The following PMS2 variants were observed in gnomAD, a reference collection of about 807,000 sequenced individuals.
The protein encoded by PMS2 is mismatch repair endonuclease PMS2.
In PMS2, 69 loss-of-function variants were observed where a neutral mutation model predicts 90.0. The ratio of observed to expected loss-of-function variants is 0.77; its 90% CI spans 0.63 to 0.94. PMS2 has a LOEUF of 0.94. PMS2 is among the 40% of genes least tolerant of loss of function. The pLI is 0.00. For synonymous variants in PMS2, 332 were observed against 375.1 expected, an observed-to-expected ratio of 0.89 and a Z score of 1.33; for missense variants, 966 against 1,040.2, an observed-to-expected ratio of 0.93 and a Z score of 0.98.
At chr7:6,001,069 CT>C (rs34336241) in intron 5 of PMS2, among the ~76,000 whole-genome samples, 8 of 152,116 alleles carry the variant, frequency 5.3e-5, no homozygotes, top group Non-Finnish European at 8.8e-5. Flanking sequence ...GTTTAAGTAA[CT>C]TTTTAGATTA....
Position 5,992,014 on chromosome 7 carries a change from T to G in PMS2, c.947A>C (p.His316Pro). 6.2e-7 allele frequency: 1 copy of G among 1,602,950 alleles called. No homozygotes were observed. Among genetic ancestry groups the G allele is most frequent in the African/African-American group, 1.3e-5 (1 of 74,810 alleles). ...GTTAAGAACAACAAATGGATACTGG[T>G]GTCGATTATACATGTGGTAGACCTC... ...VNEVYHMYNR[H>P]QYPFVVLNIS... Residue 316 changes from histidine (H) to proline (P), a missense_variant, in exon 9 of 15, where the codon CAC becomes CCC. Coordinates refer to ENST00000265849, the MANE Select transcript of PMS2 (RefSeq NM_000535.7).
At chr7:5,990,629 G>C (rs1194990765) in intron 9 of PMS2, among the ~76,000 whole-genome samples, 1 of 152,058 alleles carries the variant, frequency 6.6e-6, no homozygotes, top group Non-Finnish European at 1.5e-5. Flanking sequence ...GTGTAAATTG[G>C]TACATCTAGA....
At chr7:5,993,737 T>C (rs1784040197) in intron 8 of PMS2, among the ~76,000 whole-genome samples, 1 of 151,380 alleles carries the variant, frequency 6.6e-6, no homozygotes, top group Non-Finnish European at 1.5e-5. Flanking sequence ...GATGCGTGCC[T>C]GTAGTCCTAG....
intron 5 of PMS2, among the ~76,000 whole-genome samples, chr7:6,000,548 A>G (rs1316411237): frequency 2.0e-5 from 3 of 152,188 alleles, no homozygotes; most frequent in Admixed American, 6.6e-5. Flanking sequence ...GAAAAGATAT[A>G]CAAACTGTAA....
chr7:5,977,644 T>A lies in PMS2; in HGVS notation c.2389A>T (p.Met797Leu), dbSNP rs1433888137. Residue 797 changes from methionine to leucine, a missense_variant, in exon 14 of 15, where the codon ATG (methionine) becomes TTG (leucine). Met to Leu is a conservative substitution (Grantham distance 15, BLOSUM62 2). Around this residue, in one of 2 missense-constraint regions of PMS2, gnomAD observed 95 missense variants for 237.8 expected, o/e 0.40. Coordinates refer to ENST00000265849, the MANE Select transcript of PMS2 (RefSeq NM_000535.7). ...TGCTTGACTCGGGAAGGCCGGCACA[T>A]GACCCCAGGGCTGTCGCTCAGCATG... ...IFMLSDSPGV[M>L]CRPSRVKQMF... 1 of 1,602,890 alleles carries A rather than the reference T, an allele frequency of 6.2e-7. No individual in the cohort carries two copies.
chr7:6,005,184 T>G (rs1482929712), intron 2 of PMS2, among the ~76,000 whole-genome samples: 4 of 150,920 alleles, frequency 2.7e-5, no homozygotes, highest in Admixed American at 2.0e-4. Flanking sequence ...GTATTACAGA[T>G]GTGAGCCACT....
At position 5,973,362 on chromosome 7, in the gene PMS2, C is replaced by G. The variant is rs371106085; in HGVS notation, c.*37G>C. The G allele has an allele frequency of 5.6e-4, 541 of 963,796 alleles. 33 individuals carry two copies. In the African/African-American group the frequency reaches 8.4e-3, roughly 15 times the overall value. The allele number at this position is 963,796 out of a possible 1,614,324, so 59.7% of individuals were successfully genotyped here. On this transcript the variant is annotated 3_prime_UTR_variant, in exon 15 of 15. Coordinates refer to ENST00000265849, the MANE Select transcript of PMS2 (RefSeq NM_000535.7). ...ACTCTGTCTTTCAAAACATAAAAAT[C>G]TGCGATAAAACCAATTATTCCATAC...
At chr7:6,002,186 T>C in intron 5 of PMS2, 1 of 381,188 alleles carries the variant, frequency 2.6e-6, no homozygotes, top group Non-Finnish European at 5.0e-6. Flanking sequence ...CATGTCACCA[T>C]GCCCAGTAAA....
intron 12 of PMS2, among the ~76,000 whole-genome samples, chr7:5,979,316 A>G (rs1283867813): frequency 2.1e-5 from 3 of 145,444 alleles, no homozygotes; most frequent in African/African-American, 5.1e-5. Flanking sequence ...GCTTGAACCC[A>G]GGAGGTGGAG....
intron 2 of PMS2, among the ~76,000 whole-genome samples, chr7:6,004,889 G>A (rs553771005): frequency 6.6e-6 from 1 of 151,670 alleles, no homozygotes; most frequent in Non-Finnish European, 1.5e-5. Flanking sequence ...TAATTCTTTG[G>A]TTTTTTTTAT....
chr7:6,006,064 T>C, intron 1 of PMS2, 33 bp from the exon 2 acceptor site: 1 of 1,606,978 alleles, frequency 6.2e-7, no homozygotes, highest in Non-Finnish European at 8.5e-7. Flanking sequence ...ACAAATCAAG[T>C]ATTCAGCTAT....
chr7:5,981,157 C>G (rs1481497691), intron 12 of PMS2, among the ~76,000 whole-genome samples: 2 of 151,894 alleles, frequency 1.3e-5, no homozygotes, highest in African/African-American at 4.9e-5. Context: ...CAGGGTAAAA[C>G]ATTCCAGTTT....
At chr7:6,000,184 G>T (rs1200640845) in intron 5 of PMS2, among the ~76,000 whole-genome samples, 1 of 151,660 alleles carries the variant, frequency 6.6e-6, no homozygotes, top group Non-Finnish European at 1.5e-5. Context: ...AGACCTGCCT[G>T]GGCAACACAG....
At chr7:5,979,362 G>T (rs1473528374) in intron 12 of PMS2, among the ~76,000 whole-genome samples, 81 of 147,288 alleles carry the variant, frequency 5.5e-4, no homozygotes, top group African/African-American at 2.0e-3. Flanking sequence ...CTGCACTCCA[G>T]CCTGGGCAAC....
chr7:5,988,767 G>A (rs879352256), intron 10 of PMS2, among the ~76,000 whole-genome samples: 4 of 152,272 alleles, frequency 2.6e-5, no homozygotes, highest in Non-Finnish European at 4.4e-5. Context: ...ACAAAATAAT[G>A]AGAGAAAGAA....
chr7:5,987,672 G>A (rs1783199311), intron 10 of PMS2, 52 bp from the exon 11 acceptor site: 2 of 1,066,740 alleles, frequency 1.9e-6, no homozygotes, highest in African/African-American at 1.5e-5. Context: ...GAAATGGTGA[G>A]AGGACGTGCT....
At chr7:5,986,676 A>G in intron 11 of PMS2, 83 bp downstream of exon 11, 2 of 1,128,262 alleles carry the variant, frequency 1.8e-6, no homozygotes, top group Non-Finnish European at 2.5e-6. Context: ...TGCGCAACAG[A>G]GCAAGACTCT....
In PMS2 at chr7:5,995,556, C is replaced by G. The variant is rs373239341; in HGVS notation, c.881G>C (p.Arg294Pro). ...TACCTTTGCTGGGTCACAAGGCCGC[C>G]GGTTGATAAAGAAAAACTGTCTGTC... Reference protein sequence around the residue: ...STDRQFFFINRRPCDPAKVCR... With the variant: ...STDRQFFFINPRPCDPAKVCR... Residue 294 changes from arginine (R) to proline (P), a missense_variant, in exon 8 of 15, where the codon CGG becomes CCG. By Grantham distance (103) the Arg-to-Pro change is moderately radical. Coordinates refer to ENST00000265849, the MANE Select transcript of PMS2 (RefSeq NM_000535.7). 6.2e-7 allele frequency: 1 copy of G among 1,613,506 alleles called. No individual in the cohort carries two copies. The highest frequency in any genetic ancestry group is 8.5e-7 in the Non-Finnish European group (1 of 1,179,618).
At chr7:5,984,074 G>T (rs1782594793) in intron 11 of PMS2, among the ~76,000 whole-genome samples, 1 of 151,880 alleles carries the variant, frequency 6.6e-6, no homozygotes, top group African/African-American at 2.4e-5. Context: ...ACTCAAAGCT[G>T]CAACAAATAC....
Sources: gnomAD v4.1 joint callset for allele counts (sites outside exome capture counted in the v4.1 genomes callset) on GRCh38, gnomAD v4.1.1 for gene constraint, gnomAD v4.1.1 regional missense constraint, MANE v1.5 for transcripts, NCBI Gene and HGNC (gene_info 2026-07-23, HGNC 2026-07-21) for gene names.